Variants in ADAMTS17 observed in about 807,000 individuals in gnomAD.
ADAMTS17 encodes the protein A disintegrin and metalloproteinase with thrombospondin motifs 17.
A neutral mutation model predicts 141.5 loss-of-function variants in ADAMTS17; 113 were observed. The observed-to-expected ratio is 0.80, with a 90% CI of 0.69 to 0.93. ADAMTS17 has a LOEUF of 0.93. Among genes scored for constraint, ADAMTS17 ranks in the 40% least tolerant of loss-of-function variants. ADAMTS17 has a pLI of 0.00. For synonymous variants in ADAMTS17, 768 were observed against 630.6 expected (o/e 1.22, Z -3.27); for missense variants, 1,659 against 1,517.9 (o/e 1.09, Z -1.54).
intron 14 of ADAMTS17, among the ~76,000 whole-genome samples, chr15:100,106,357 G>A (rs969870110): frequency 2.6e-5 from 4 of 152,322 alleles, no homozygotes; most frequent in African/African-American, 4.8e-5. Flanking sequence ...TGACTAAGAC[G>A]ACACCCAAGT....
At chr15:100,230,094 C>A (rs1004323371) in intron 7 of ADAMTS17, among the ~76,000 whole-genome samples, 8 of 152,238 alleles carry the variant, frequency 5.3e-5, no homozygotes, top group African/African-American at 1.4e-4. Context: ...ATAACCAACA[C>A]CGGGCACTTA....
At chr15:100,202,348 A>G (rs571345737) in intron 7 of ADAMTS17, among the ~76,000 whole-genome samples, 11 of 152,362 alleles carry the variant, frequency 7.2e-5, no homozygotes, top group Admixed American at 4.6e-4. Flanking sequence ...TTTATTTACA[A>G]GAAATGCTCT....
chr15:100,110,425 T>C (rs542923599), intron 13 of ADAMTS17, among the ~76,000 whole-genome samples: 7 of 151,550 alleles, frequency 4.6e-5, no homozygotes, highest in African/African-American at 1.7e-4. Context: ...CCACCATGCC[T>C]GGCTAATTTT....
At chr15:100,139,282 T>C (rs2038503913) in intron 10 of ADAMTS17, among the ~76,000 whole-genome samples, 1 of 152,208 alleles carries the variant, frequency 6.6e-6, no homozygotes, top group African/African-American at 2.4e-5. Flanking sequence ...TACATAAGCC[T>C]GAGATGAAAT....
chr15:100,128,087 G>A (rs1002711826), intron 12 of ADAMTS17, among the ~76,000 whole-genome samples: 1 of 152,138 alleles, frequency 6.6e-6, no homozygotes, highest in Non-Finnish European at 1.5e-5. Context: ...CAGTGGCTTT[G>A]GACTCAAGCA....
intron 4 of ADAMTS17, among the ~76,000 whole-genome samples, chr15:100,264,017 C>G (rs2043623883): frequency 6.6e-6 from 1 of 152,242 alleles, no homozygotes; most frequent in African/African-American, 2.4e-5. Context: ...AGCCGTGTCA[C>G]TGCTCGAATT....
intron 7 of ADAMTS17, among the ~76,000 whole-genome samples, chr15:100,217,220 T>C (rs1035419147): frequency 2.6e-5 from 4 of 152,198 alleles, no homozygotes; most frequent in Non-Finnish European, 5.9e-5. Flanking sequence ...CAATTAGTGG[T>C]ACTAGGACAA....
chr15:100,319,326 G>T (rs531872580), intron 3 of ADAMTS17, among the ~76,000 whole-genome samples: 4 of 152,338 alleles, frequency 2.6e-5, no homozygotes, highest in African/African-American at 9.6e-5. Flanking sequence ...AGGGAAGCAG[G>T]GCAGGAGGGA....
chr15:100,139,971 G>A (rs1174429998), intron 10 of ADAMTS17, among the ~76,000 whole-genome samples: 2 of 151,970 alleles, frequency 1.3e-5, no homozygotes, highest in African/African-American at 4.8e-5. Flanking sequence ...TGGTTCTACG[G>A]GCATGTAAGA....
chr15:100,216,372 G>A (rs973435078), intron 7 of ADAMTS17, among the ~76,000 whole-genome samples: 1 of 152,216 alleles, frequency 6.6e-6, no homozygotes, highest in African/African-American at 2.4e-5. Flanking sequence ...AGTTGCCAGC[G>A]TAGAGGCTGT....
At position 100,173,868 on chromosome 15, in the gene ADAMTS17, C is replaced by T. The variant is rs569164594; in HGVS notation, c.1182-18548G>A. Among the ~76,000 whole-genome samples, 5 of 152,316 alleles carry T rather than the reference C, an allele frequency of 3.3e-5. No individual in the cohort carries two copies. The East Asian group carries it at 7.7e-4, about 23-fold the overall frequency. On this transcript the variant is annotated intron_variant, in intron 8 of 21. Coordinates refer to ENST00000268070, the MANE Select transcript of ADAMTS17 (RefSeq NM_139057.4). ...GTACAGGCCAGGCATCTGAATTTTA[C>T]AGGGACTCCCAGGTGAGTCTAGTGT... is the stretch of plus-strand genomic sequence containing the variant.
At chr15:100,025,695 T>C (rs2061500186) in intron 18 of ADAMTS17, among the ~76,000 whole-genome samples, 2 of 152,152 alleles carry the variant, frequency 1.3e-5, no homozygotes. Flanking sequence ...ATTACAGGCG[T>C]GAGCCACCAC....
rs560081843 is a variant in ADAMTS17, at chr15:100,057,480, A to T, written c.2138-3426T>A. Among the ~76,000 whole-genome samples, 5 of 152,208 alleles carry T rather than the reference A, an allele frequency of 3.3e-5. No homozygotes were observed. The East Asian group carries it at 9.7e-4, about 29-fold the overall frequency. On this transcript the variant is annotated intron_variant, in intron 15 of 21. Transcript: ENST00000268070. ...CCAGCACGGACCGGCTGAGTCCCAT[A>T]TCCACACCCTGCCAGTGACAGACTC...
chr15:100,328,363 A>C (rs906646129), intron 3 of ADAMTS17, among the ~76,000 whole-genome samples: 1 of 152,190 alleles, frequency 6.6e-6, no homozygotes, highest in African/African-American at 2.4e-5. Context: ...GGACAGCCAC[A>C]TTTACTGAAT....
intron 7 of ADAMTS17, among the ~76,000 whole-genome samples, chr15:100,201,334 C>A (rs1440454060): frequency 6.6e-6 from 1 of 150,532 alleles, no homozygotes; most frequent in Non-Finnish European, 1.5e-5. Context: ...TTCTTCCCCT[C>A]CCCCCTCTCT....
Position 99,972,288 on chromosome 15 carries a change from A to AGCTCT in ADAMTS17, c.*2109_*2113dup, listed in dbSNP as rs2068980739. The AGCTCT allele has an allele frequency of 6.6e-6, 1 of 152,188 alleles. No homozygotes were observed. The allele number at this position is 152,188 out of a possible 1,614,324, so 9.4% of individuals were successfully genotyped here. ...CGACAACAAAAAGATGAGCTAAAAG[A>AGCTCT]GCTCTGCAGATGCAGACTTTAGGGG... On this transcript the variant is annotated 3_prime_UTR_variant, in exon 22 of 22. Coordinates refer to ENST00000268070, the MANE Select transcript of ADAMTS17 (RefSeq NM_139057.4).
chr15:100,133,139 G>T, intron 11 of ADAMTS17, 75 bp downstream of exon 11: 3 of 1,371,588 alleles, frequency 2.2e-6, no homozygotes, highest in East Asian at 2.5e-5. Context: ...AGTACAGATT[G>T]TGTGTCAGAA....
chr15:100,317,369 A>G (rs2045597783), intron 3 of ADAMTS17, among the ~76,000 whole-genome samples: 1 of 152,154 alleles, frequency 6.6e-6, no homozygotes, highest in Non-Finnish European at 1.5e-5. Context: ...AGTCCCAGAA[A>G]CAATTATCTG....
intron 9 of ADAMTS17, among the ~76,000 whole-genome samples, chr15:100,154,893 G>A (rs2039356587): frequency 6.6e-6 from 1 of 152,204 alleles, no homozygotes; most frequent in Non-Finnish European, 1.5e-5. Flanking sequence ...CAACACTGCA[G>A]AGGAATGAAA....
Sources: gnomAD v4.1 joint callset for allele counts (sites outside exome capture counted in the v4.1 genomes callset) on GRCh38, gnomAD v4.1.1 for gene constraint, MANE v1.5 for transcripts, NCBI Gene and HGNC (gene_info 2026-07-23, HGNC 2026-07-21) for gene names.